Variants in CNTN4 observed in about 807,000 individuals in gnomAD.
CNTN4 encodes the protein contactin-4.
A neutral mutation model predicts 122.5 loss-of-function variants in CNTN4; 77 were observed. The observed-to-expected ratio is 0.63, with a 90% CI of 0.52 to 0.76. The LOEUF (loss-of-function observed/expected upper bound fraction) is 0.76, where lower values mean the gene tolerates loss of function less well. Among genes scored for constraint, CNTN4 ranks in the 30% least tolerant of loss-of-function variants. CNTN4 has a pLI of 0.00. For missense variants in CNTN4, 1,256 were observed against 1,259.1 expected (o/e 1.00, Z 0.04); for synonymous variants, 512 against 447.0 (o/e 1.15, Z -1.83).
At chr3:2,777,987 G>A (rs1458767671) in intron 6 of CNTN4, among the ~76,000 whole-genome samples, 1 of 152,068 alleles carries the variant, frequency 6.6e-6, no homozygotes, top group Non-Finnish European at 1.5e-5. Flanking sequence ...GGCCGAGGTG[G>A]GCGGATCATG....
At chr3:2,933,490 C>T (rs1226909291) in intron 13 of CNTN4, among the ~76,000 whole-genome samples, 2 of 152,144 alleles carry the variant, frequency 1.3e-5, no homozygotes, top group African/African-American at 4.8e-5. Flanking sequence ...TTACAGCTAT[C>T]GGTCTGGGAA....
At chr3:2,923,093 G>GT (rs1444178904) in intron 12 of CNTN4, among the ~76,000 whole-genome samples, 1 of 152,096 alleles carries the variant, frequency 6.6e-6, no homozygotes, top group Non-Finnish European at 1.5e-5. Flanking sequence ...GCAAAATGTA[G>GT]TTTTTTGACA....
At chr3:2,475,382 G>T (rs2075808815) in intron 3 of CNTN4, among the ~76,000 whole-genome samples, 1 of 152,158 alleles carries the variant, frequency 6.6e-6, no homozygotes, top group African/African-American at 2.4e-5. Context: ...ACTCAAGAGG[G>T]TAAGGATATG....
intron 2 of CNTN4, among the ~76,000 whole-genome samples, chr3:2,214,125 G>A (rs2038734448): frequency 6.6e-6 from 1 of 152,144 alleles, no homozygotes; most frequent in Admixed American, 6.5e-5. Context: ...TTTTTTAAAT[G>A]TATATTTGCT....
chr3:2,315,492 T>A (rs1334820393), intron 2 of CNTN4, among the ~76,000 whole-genome samples: 2 of 152,060 alleles, frequency 1.3e-5, no homozygotes, highest in Non-Finnish European at 2.9e-5. Flanking sequence ...TTATTTTTTT[T>A]AATGGTGGGC....
chr3:2,241,598 A>G (rs888971383), intron 2 of CNTN4, among the ~76,000 whole-genome samples: 10 of 152,180 alleles, frequency 6.6e-5, no homozygotes, highest in African/African-American at 2.4e-4. Context: ...GTCTGCAGTC[A>G]GAACTCTTTA....
intron 6 of CNTN4, among the ~76,000 whole-genome samples, chr3:2,783,597 A>T (rs969488145): frequency 6.6e-6 from 1 of 152,184 alleles, no homozygotes; most frequent in Non-Finnish European, 1.5e-5. Context: ...CCAGCTTTTA[A>T]ACTTTTTAAC....
chr3:2,259,672 C>G (rs1426499701), intron 2 of CNTN4, among the ~76,000 whole-genome samples: 1 of 152,142 alleles, frequency 6.6e-6, no homozygotes, highest in Non-Finnish European at 1.5e-5. Context: ...GATGTATTCA[C>G]AACCACGAGA....
chr3:2,510,561 G>T (rs1184933238), intron 3 of CNTN4, among the ~76,000 whole-genome samples: 1 of 151,986 alleles, frequency 6.6e-6, no homozygotes, highest in Admixed American at 6.6e-5. Context: ...AGTGACACAG[G>T]CGCTGAGTCT....
intron 3 of CNTN4, among the ~76,000 whole-genome samples, chr3:2,552,136 G>C (rs975366352): frequency 4.6e-5 from 7 of 152,094 alleles, no homozygotes; most frequent in African/African-American, 1.7e-4. Context: ...CAGAGTAAAG[G>C]AGCACCAAGC....
chr3:2,721,764 G>A (rs2087869449), intron 4 of CNTN4, among the ~76,000 whole-genome samples: 1 of 151,996 alleles, frequency 6.6e-6, no homozygotes, highest in Non-Finnish European at 1.5e-5. Context: ...CCTTTTCTCA[G>A]AAAGGACTTC....
intron 3 of CNTN4, among the ~76,000 whole-genome samples, chr3:2,342,193 T>C (rs923612815): frequency 1.3e-5 from 2 of 152,198 alleles, no homozygotes; most frequent in Non-Finnish European, 2.9e-5. Context: ...TGACCTCTTT[T>C]TTTTACACAT....
chr3:2,916,348 G>T (rs112896233), intron 12 of CNTN4, among the ~76,000 whole-genome samples: 4 of 147,884 alleles, frequency 2.7e-5, no homozygotes, highest in Non-Finnish European at 4.5e-5. Context: ...AGGGCCCTGC[G>T]GCCTTCCGCA....
chr3:2,254,085 T>G (rs1031006279), intron 2 of CNTN4, among the ~76,000 whole-genome samples: 2 of 97,648 alleles, frequency 2.0e-5, no homozygotes, highest in African/African-American at 8.1e-5. Context: ...TTCCCCTCCC[T>G]GTGTCCATGT....
intron 7 of CNTN4, chr3:2,866,433 C>T (rs2093724565): frequency 1.7e-6 from 2 of 1,183,394 alleles, no homozygotes; most frequent in Non-Finnish European, 2.1e-6. Flanking sequence ...GAGCATTACT[C>T]AATACATGTT....
intron 3 of CNTN4, among the ~76,000 whole-genome samples, chr3:2,568,468 T>G (rs1360550778): frequency 6.6e-6 from 1 of 152,142 alleles, no homozygotes; most frequent in East Asian, 1.9e-4. Context: ...GATCTCAAAA[T>G]GAGTGCTGAG....
intron 6 of CNTN4, among the ~76,000 whole-genome samples, chr3:2,816,942 G>A (rs2092748825): frequency 1.3e-5 from 2 of 151,854 alleles, no homozygotes; most frequent in Admixed American, 1.3e-4. Flanking sequence ...TGCTGGTAAA[G>A]GCTTAATCAT....
chr3:2,223,103 G>T (rs2039127683), intron 2 of CNTN4, among the ~76,000 whole-genome samples: 1 of 152,110 alleles, frequency 6.6e-6, no homozygotes, highest in African/African-American at 2.4e-5. Flanking sequence ...CTTAGGGCTT[G>T]TTTTCTGTGT....
At chr3:2,705,041 A>G (rs1419223420) in intron 4 of CNTN4, among the ~76,000 whole-genome samples, 1 of 151,718 alleles carries the variant, frequency 6.6e-6, no homozygotes, top group Admixed American at 6.6e-5. Context: ...GTGTGTATAT[A>G]TATATATTTA....
Sources: allele counts gnomAD v4.1 joint callset (sites outside exome capture counted in the v4.1 genomes callset), GRCh38; gene constraint gnomAD v4.1.1; transcripts MANE v1.5; gene names NCBI Gene and HGNC (gene_info 2026-07-23, HGNC 2026-07-21).